Variants in CACNA1E observed in about 807,000 individuals in gnomAD.
CACNA1E encodes the protein calcium voltage-gated channel subunit alpha1 E.
CACNA1E carries 40 observed loss-of-function variants against 259.2 expected under a neutral mutation model. The ratio of observed to expected loss-of-function variants is 0.15; its 90% CI spans 0.12 to 0.20. CACNA1E has a LOEUF of 0.20. Ranked by LOEUF, CACNA1E falls within the 10% of genes least tolerant of loss-of-function variation. CACNA1E has a pLI of 1.00. For synonymous variants in CACNA1E, 1,104 were observed against 1,138.5 expected, an observed-to-expected ratio of 0.97 and a Z score of 0.61; for missense variants, 1,874 against 3,040.1, an observed-to-expected ratio of 0.62 and a Z score of 9.02.
At chr1:181,646,912 G>A (rs1327190995) in intron 6 of CACNA1E, among the ~76,000 whole-genome samples, 1 of 152,244 alleles carries the variant, frequency 6.6e-6, no homozygotes, top group African/African-American at 2.4e-5. Flanking sequence ...GGTACCCGCT[G>A]AGCACTCCTG....
chr1:181,458,255 G>A (rs1248945013), intron 2 of CACNA1E, among the ~76,000 whole-genome samples: 1 of 152,218 alleles, frequency 6.6e-6, no homozygotes, highest in Non-Finnish European at 1.5e-5. Context: ...GAAGATATGG[G>A]TGACTTCAGG....
chr1:181,448,699 T>TGTCTCAAGGCAAA (rs149425894), intron 2 of CACNA1E, among the ~76,000 whole-genome samples: 3,998 of 152,340 alleles, frequency 0.026, 83 homozygotes, highest in African/African-American at 0.066. Flanking sequence ...GAAGAGACTT[T>TGTCTCAAGGCAAA]GTCTCAAGGC....
chr1:181,639,379 C>T (rs1390738677), intron 6 of CACNA1E, among the ~76,000 whole-genome samples: 8 of 152,218 alleles, frequency 5.3e-5, no homozygotes, highest in East Asian at 1.9e-4. Context: ...TGAGCCACCA[C>T]GCCCAGCCGA....
chr1:181,443,449 T>G (rs1660621875), intron 2 of CACNA1E, among the ~76,000 whole-genome samples: 1 of 152,234 alleles, frequency 6.6e-6, no homozygotes, highest in Admixed American at 6.5e-5. Flanking sequence ...TCTTTGTGTC[T>G]GAGATGTTGG....
chr1:181,731,078 G>A, intron 18 of CACNA1E, 97 bp from the exon 19 acceptor site: 2 of 897,556 alleles, frequency 2.2e-6, no homozygotes, highest in Non-Finnish European at 3.7e-6. Context: ...GCCACACAGA[G>A]GACTCCCTGT....
intron 3 of CACNA1E, among the ~76,000 whole-genome samples, chr1:181,541,399 A>G (rs1025653956): frequency 1.3e-5 from 2 of 152,130 alleles, no homozygotes; most frequent in Non-Finnish European, 2.9e-5. Context: ...TTCAGGAGCT[A>G]GAGGTACTAG....
At chr1:181,685,193 T>C (rs1315416141) in intron 7 of CACNA1E, among the ~76,000 whole-genome samples, 1 of 151,134 alleles carries the variant, frequency 6.6e-6, no homozygotes, top group East Asian at 1.9e-4. Context: ...TTTTTTTTTT[T>C]TTTGCCTTGC....
intron 3 of CACNA1E, among the ~76,000 whole-genome samples, chr1:181,569,456 C>T (rs192047409): frequency 6.6e-6 from 1 of 152,308 alleles, no homozygotes; most frequent in Non-Finnish European, 1.5e-5. Flanking sequence ...TTTGGCTTAT[C>T]TCTATGTGAA....
chr1:181,695,774 G>A (rs1008605473), intron 7 of CACNA1E, among the ~76,000 whole-genome samples: 3 of 152,150 alleles, frequency 2.0e-5, no homozygotes, highest in African/African-American at 7.2e-5. Flanking sequence ...AGCCAACATG[G>A]CGAAACCCCA....
intron 7 of CACNA1E, among the ~76,000 whole-genome samples, chr1:181,675,580 A>G (rs192881052): frequency 5.9e-5 from 9 of 152,360 alleles, no homozygotes; most frequent in Non-Finnish European, 8.8e-5. Flanking sequence ...TGACAACATA[A>G]TGAGCTCCAA....
At chr1:181,336,281 A>C (rs1213994078) in intron 1 of CACNA1E, among the ~76,000 whole-genome samples, 1 of 152,242 alleles carries the variant, frequency 6.6e-6, no homozygotes. Context: ...AATAACTGTT[A>C]ATAATAATGA....
intron 7 of CACNA1E, among the ~76,000 whole-genome samples, chr1:181,669,534 A>G (rs1648581012): frequency 6.6e-6 from 1 of 152,082 alleles, no homozygotes; most frequent in Non-Finnish European, 1.5e-5. Context: ...CTATTAGAGC[A>G]CTCGTTACGT....
At chr1:181,680,330 A>G (rs1156797754) in intron 7 of CACNA1E, among the ~76,000 whole-genome samples, 1 of 152,068 alleles carries the variant, frequency 6.6e-6, no homozygotes, top group Non-Finnish European at 1.5e-5. Flanking sequence ...GGCACTTTCA[A>G]GGAGCCAGGT....
At chr1:181,524,980 A>G (rs1487706170) in intron 3 of CACNA1E, among the ~76,000 whole-genome samples, 1 of 152,276 alleles carries the variant, frequency 6.6e-6, no homozygotes, top group East Asian at 1.9e-4. Flanking sequence ...AGTAACATCC[A>G]TTGAGTCAAG....
At chr1:181,353,591 C>T (rs1006939893) in intron 1 of CACNA1E, among the ~76,000 whole-genome samples, 4 of 152,028 alleles carry the variant, frequency 2.6e-5, no homozygotes, top group African/African-American at 7.2e-5. Flanking sequence ...TGTTGGGTGA[C>T]GGATGGGGGT....
intron 3 of CACNA1E, among the ~76,000 whole-genome samples, chr1:181,527,084 T>A (rs1010038625): frequency 6.6e-6 from 1 of 152,252 alleles, no homozygotes; most frequent in African/African-American, 2.4e-5. Context: ...ACATACTAAA[T>A]CTTGAGTTAA....
intron 1 of CACNA1E, among the ~76,000 whole-genome samples, chr1:181,356,856 T>C (rs1653482544): frequency 6.6e-6 from 1 of 152,108 alleles, no homozygotes; most frequent in African/African-American, 2.4e-5. Context: ...TCCTGAGCCC[T>C]GGTAGGAGCT....
At chr1:181,793,824 G>A in intron 45 of CACNA1E, 31 bp downstream of exon 45, 1 of 1,604,300 alleles carries the variant, frequency 6.2e-7, no homozygotes, top group Non-Finnish European at 8.5e-7. Context: ...TTAATGCAGT[G>A]GCATCCGGGC....
intron 6 of CACNA1E, among the ~76,000 whole-genome samples, chr1:181,639,097 T>C (rs1404008727): frequency 4.6e-5 from 7 of 152,090 alleles, no homozygotes; most frequent in African/African-American, 7.2e-5. Flanking sequence ...GATGCCTTTT[T>C]TTTTTTTTGA....
Sources: gnomAD v4.1 joint callset for allele counts (sites outside exome capture counted in the v4.1 genomes callset) on GRCh38, gnomAD v4.1.1 for gene constraint, MANE v1.5 for transcripts, NCBI Gene and HGNC (gene_info 2026-07-23, HGNC 2026-07-21) for gene names.